The following MAP1A variants were observed in gnomAD, a reference collection of about 807,000 sequenced individuals.
The protein encoded by MAP1A is microtubule associated protein 1A, also known as microtubule-associated protein 1A.
In MAP1A, 42 loss-of-function variants were observed where a neutral mutation model predicts 185.9. The ratio of observed to expected loss-of-function variants is 0.23; its 90% CI spans 0.18 to 0.29. MAP1A has a LOEUF of 0.29. MAP1A is among the 10% of genes least tolerant of loss of function. The pLI is 1.00. For missense variants in MAP1A, 2,995 were observed against 3,450.4 expected, an observed-to-expected ratio of 0.87 and a Z score of 3.31; for synonymous variants, 1,229 against 1,335.9, an observed-to-expected ratio of 0.92 and a Z score of 1.74.
At chr15:43,516,729 C>G (rs1360981432), upstream of MAP1A, among the ~76,000 whole-genome samples, 1 of 152,188 alleles carries the variant, frequency 6.6e-6, no homozygotes, top group Non-Finnish European at 1.5e-5. Context: ...CCCAATCACC[C>G]TACAAAGTCA....
At position 43,526,878 on chromosome 15, in the gene MAP1A, C is replaced by T; in HGVS notation, c.5405C>T (p.Pro1802Leu). The T allele has an allele frequency of 1.2e-6, 2 of 1,614,132 alleles. No individual in the cohort carries two copies. The highest frequency in any genetic ancestry group is 1.7e-6 in the Non-Finnish European group (2 of 1,180,014). The change falls in exon 4 of 6, where the codon CCA becomes CTA. Residue 1802 changes from proline (P) to leucine (L), a missense_variant. By Grantham distance (98) the Pro-to-Leu change is moderately conservative. Coordinates refer to ENST00000300231, the MANE Select transcript of MAP1A (RefSeq NM_002373.6). The surrounding 1 kb of genome is among the most constrained non-coding windows in gnomAD (Gnocchi z 4.7). ...GAGATCATCTCCCCTCCAGCTTCCCCACCTGAGATGGTTGGACAAAGGGTT... is the reference window on the plus strand; with the variant it reads ...GAGATCATCTCCCCTCCAGCTTCCCTACCTGAGATGGTTGGACAAAGGGTT... ...PFEIISPPAS[P>L]PEMVGQRVPS...
Position 43,525,585 on chromosome 15 carries a change from A to T in MAP1A, c.4112A>T (p.Asp1371Val). Reference sequence around the variant, plus strand: ...AAGGATGAAGTTTTACAGCAGAAAGACAAAACTCTGGAGCACAAGGAGGTG... The same window carrying T: ...AAGGATGAAGTTTTACAGCAGAAAGTCAAAACTCTGGAGCACAAGGAGGTG... ...EPKDEVLQQK[D>V]KTLEHKEVVE... The change falls in exon 4 of 6, where the codon GAC (aspartate) becomes GTC (valine). Residue 1371 changes from aspartate (D) to valine (V), a missense_variant. Coordinates refer to ENST00000300231, the MANE Select transcript of MAP1A (RefSeq NM_002373.6). 1 of 1,614,228 alleles carries T rather than the reference A, an allele frequency of 6.2e-7. No homozygotes were observed. Among genetic ancestry groups the T allele is most frequent in the African/African-American group, 1.3e-5 (1 of 75,070 alleles).
At position 43,525,565 on chromosome 15, in the gene MAP1A, T is replaced by C. The variant is rs1174727794; in HGVS notation, c.4092T>C (p.Asp1364=). The change falls in exon 4 of 6, where the codon GAT becomes GAC. Residue 1364 remains aspartate, a synonymous_variant. Transcript: ENST00000300231. The stretch of plus-strand genomic sequence containing the variant: ...AGAAGAAGGAACCTGAGCCAAAGGA[T>C]GAAGTTTTACAGCAGAAAGACAAAA... The part of the protein sequence containing the change: ...SEQKKEPEPK[D]EVLQQKDKTL... 5.0e-6 allele frequency: 8 copies of C among 1,613,984 alleles called. No individual in the cohort carries two copies. Among genetic ancestry groups the C allele is most frequent in the Non-Finnish European group, 6.8e-6 (8 of 1,180,020 alleles).
In MAP1A at chr15:43,528,219, G is replaced by C. The variant is rs754740781; in HGVS notation, c.6746G>C (p.Arg2249Pro). 1.2e-6 allele frequency: 2 copies of C among 1,613,858 alleles called. No individual in the cohort carries two copies. The highest frequency in any genetic ancestry group is 1.1e-5 in the South Asian group (1 of 91,084). The change falls in exon 4 of 6, where the codon CGA (arginine) becomes CCA (proline). Residue 2249 changes from arginine to proline, a missense_variant. By Grantham distance (103) the Arg-to-Pro change is moderately radical (BLOSUM62 -2). This residue lies in a region of MAP1A where 2,728 missense variants were observed against 2,986.0 expected (regional missense o/e 0.91). Coordinates refer to ENST00000300231, the MANE Select transcript of MAP1A (RefSeq NM_002373.6). ...PGAPLLSNLPRPASPALSEGS... is the reference protein window; with the variant it reads ...PGAPLLSNLPPPASPALSEGS... ...GCCCCTCTCCTCTCCAATCTGCCAC[G>C]ACCTGCCTCACCAGCCCTGTCTGAG...
At chr15:43,511,257 A>G (rs1387115084) in intron 1 of MAP1A, 1 of 1,512,522 alleles carries the variant, frequency 6.6e-7, no homozygotes, top group African/African-American at 1.4e-5. Context: ...TGCTTCAGGC[A>G]TCTCTACCCT....
rs748701967 is a variant in MAP1A at position 43,528,951 on chromosome 15, C to T, written c.7478C>T (p.Pro2493Leu). The T allele has an allele frequency of 6.2e-7, 1 of 1,613,244 alleles. No individual in the cohort carries two copies. The highest frequency in any genetic ancestry group is 8.5e-7 in the Non-Finnish European group (1 of 1,180,012). Residue 2493 changes from proline to leucine, a missense_variant, in exon 4 of 6, where the codon CCT becomes CTT. Physicochemically the swap from Pro to Leu is moderately conservative, Grantham distance 98. This residue lies in a region of MAP1A where 2,728 missense variants were observed against 2,986.0 expected (regional missense o/e 0.91). Coordinates refer to ENST00000300231, the MANE Select transcript of MAP1A (RefSeq NM_002373.6). ...GGPGTTGGPC[P>L]VTDETPPTSA... Reference sequence around the variant, plus strand: ...CCAGGGACCACTGGGGGCCCATGCCCTGTGACTGATGAGACACCCCCTACA... The same window carrying T: ...CCAGGGACCACTGGGGGCCCATGCCTTGTGACTGATGAGACACCCCCTACA...
Position 43,522,707 on chromosome 15 carries a change from C to T in MAP1A, c.1234C>T (p.Leu412=), listed in dbSNP as rs758343843. 6.3e-7 allele frequency: 1 copy of T among 1,598,100 alleles called. No homozygotes were observed. Among genetic ancestry groups the T allele is most frequent in the African/African-American group, 1.4e-5 (1 of 73,348 alleles). Residue 412 remains leucine, a synonymous_variant, in exon 4 of 6, where the codon CTG becomes TTG. Coordinates refer to ENST00000300231, the MANE Select transcript of MAP1A (RefSeq NM_002373.6). The surrounding 1 kb of genome is among the most constrained non-coding windows in gnomAD (Gnocchi z 5.9). ...KKHLKEKISK[L]EEKKDKEKKE... Reference sequence around the variant, plus strand: ...GCACCTTAAAGAAAAGATATCAAAGCTGGAAGAAAAAAAAGACAAGGAGAA... The same window carrying T: ...GCACCTTAAAGAAAAGATATCAAAGTTGGAAGAAAAAAAAGACAAGGAGAA...
chr15:43,521,501 T>G lies in MAP1A; in HGVS notation c.28T>G (p.Tyr10Asp). MDGVAEFSE[Y>D]VSETVDVPSP... ...GGACGGCGTGGCTGAGTTCTCCGAG[T>G]ATGTCTCTGAGACTGTGGACGTGCC... The change falls in exon 4 of 6, where the codon TAT becomes GAT. Residue 10 changes from tyrosine to aspartate, a missense_variant. Physicochemically the swap from Tyr to Asp is radical, Grantham distance 160. Transcript: ENST00000300231. This position sits in a 1 kb window ranked among gnomAD's most constrained non-coding sequence, Gnocchi z 4.6. 1.2e-6 allele frequency: 2 copies of G among 1,614,090 alleles called. No individual in the cohort carries two copies. The highest frequency in any genetic ancestry group is 1.1e-5 in the South Asian group (1 of 91,076).
At chr15:43,514,519 C>G (rs1246629619), upstream of MAP1A, among the ~76,000 whole-genome samples, 1 of 152,234 alleles carries the variant, frequency 6.6e-6, no homozygotes, top group African/African-American at 2.4e-5. Flanking sequence ...CCATTCCTAT[C>G]ACCTATCCTC....
In MAP1A at chr15:43,521,463, C is replaced by T. The variant is rs761077503; in HGVS notation, c.-11C>T. On this transcript the variant is annotated 5_prime_UTR_variant, in exon 4 of 6. Transcript: ENST00000300231. This position sits in a 1 kb window ranked among gnomAD's most constrained non-coding sequence, Gnocchi z 4.6. Reference sequence around the variant, plus strand: ...CACCTCCGGCTAAACCCTGAGCCCACTCTGCCCACCATGGACGGCGTGGCT... The same window carrying T: ...CACCTCCGGCTAAACCCTGAGCCCATTCTGCCCACCATGGACGGCGTGGCT... 33 of 1,614,088 alleles carry T rather than the reference C, an allele frequency of 2.0e-5. No homozygotes were observed. Among genetic ancestry groups the T allele is most frequent in the Non-Finnish European group, 2.7e-5 (32 of 1,180,048 alleles).
At chr15:43,511,349 C>G (rs190994516) in intron 1 of MAP1A, 1 of 715,570 alleles carries the variant, frequency 1.4e-6, no homozygotes, top group Non-Finnish European at 2.3e-6. Flanking sequence ...GAGATCTGCG[C>G]CCTTGTCACC....
chr15:43,529,466 C>T lies in MAP1A; in HGVS notation c.7993C>T (p.Pro2665Ser). The stretch of plus-strand genomic sequence containing the variant: ...AGCAGAGGAAAAGGATGGACACAGC[C>T]CCATGTCCAAAGGCCTAGTCAATGG... ...TPAEEKDGHS[P>S]MSKGLVNGLK... The change falls in exon 4 of 6, where the codon CCC (proline) becomes TCC (serine). Residue 2665 changes from proline to serine, a missense_variant. Physicochemically the swap from Pro to Ser is moderately conservative, Grantham distance 74. Coordinates refer to ENST00000300231, the MANE Select transcript of MAP1A (RefSeq NM_002373.6). The surrounding 1 kb of genome is among the most constrained non-coding windows in gnomAD (Gnocchi z 4.3). The T allele has an allele frequency of 6.2e-7, 1 of 1,612,462 alleles. No individual in the cohort carries two copies.
At position 43,527,672 on chromosome 15, in the gene MAP1A, C is replaced by T. The variant is rs201168113; in HGVS notation, c.6199C>T (p.Pro2067Ser). Reference sequence around the variant, plus strand: ...CCCACCTGCAGTTCCCCCCCGTGCTCCTATCCTGAGCAAAGGCCCAAGCCC... The same window carrying T: ...CCCACCTGCAGTTCCCCCCCGTGCTTCTATCCTGAGCAAAGGCCCAAGCCC... ...LTPPAVPPRA[P>S]ILSKGPSPPL... is the part of the protein sequence containing the mutation. The change falls in exon 4 of 6, where the codon CCT becomes TCT. Residue 2067 changes from proline to serine, a missense_variant. By Grantham distance (74) the Pro-to-Ser change is moderately conservative (BLOSUM62 -1). This residue lies in a region of MAP1A where 2,728 missense variants were observed against 2,986.0 expected (regional missense o/e 0.91). Coordinates refer to ENST00000300231, the MANE Select transcript of MAP1A (RefSeq NM_002373.6). The T allele has an allele frequency of 2.7e-5, 43 of 1,586,796 alleles. No individual in the cohort carries two copies. In the South Asian group the frequency reaches 3.5e-4, roughly 13 times the overall value.
At position 43,530,874 on chromosome 15, in the gene MAP1A, C is replaced by T. The variant is rs2079368910; in HGVS notation, c.*650C>T. The T allele has an allele frequency of 6.5e-6, 1 of 153,624 alleles. No homozygotes were observed. Among genetic ancestry groups the T allele is most frequent in the Non-Finnish European group, 1.5e-5 (1 of 68,822 alleles). The allele number at this position is 153,624 out of a possible 1,614,324, so 9.5% of individuals were successfully genotyped here. On this transcript the variant is annotated 3_prime_UTR_variant, in exon 6 of 6. Transcript: ENST00000300231. ...CTGGTGAGAGGAGAAAGGAGCTTAT[C>T]CCCCAGACCCTGCTTTATACCATTC...
chr15:43,529,183 A>ATCCCC lies in MAP1A; in HGVS notation c.7716_7720dup (p.Arg2574LeufsTer21). On this transcript the variant is annotated frameshift_variant, in exon 4 of 6. Transcript: ENST00000300231. LOFTEE classifies it high-confidence loss of function. The surrounding 1 kb of genome is among the most constrained non-coding windows in gnomAD (Gnocchi z 4.3). ...CTCTCCCACAGCCAGACCCCCGCCC[A>ATCCCC]TCCCCTCCCCGCCCTGATGTGTGCA... The ATCCCC allele has an allele frequency of 1.2e-6, 1 of 869,358 alleles. No homozygotes were observed. 53.9% of individuals were successfully genotyped at this position (869,358 alleles called of 1,614,324 possible).
upstream of MAP1A, among the ~76,000 whole-genome samples, chr15:43,513,416 T>C (rs2079288871): frequency 6.6e-6 from 1 of 152,060 alleles, no homozygotes; most frequent in South Asian, 2.1e-4. Context: ...TAGTGGAATA[T>C]AAAATCCATC....
chr15:43,529,260 G>T lies in MAP1A; in HGVS notation c.7787G>T (p.Arg2596Leu). The T allele has an allele frequency of 6.2e-7, 1 of 1,612,450 alleles. No individual in the cohort carries two copies. The highest frequency in any genetic ancestry group is 1.1e-5 in the South Asian group (1 of 90,954). ...GAGTCTGGGAGAGTAGAGAGGCTAC[G>T]GGAGAAGGAAAAGGTTCAGGGGCGA... is the stretch of plus-strand genomic sequence containing the variant. ...SSESGRVERLREKEKVQGRVG... is the reference protein window; with the variant it reads ...SSESGRVERLLEKEKVQGRVG... The change falls in exon 4 of 6, where the codon CGG (arginine) becomes CTG (leucine). Residue 2596 changes from arginine (R) to leucine (L), a missense_variant. Physicochemically the swap from Arg to Leu is moderately radical, Grantham distance 102. This residue lies in a region of MAP1A where 2,728 missense variants were observed against 2,986.0 expected (regional missense o/e 0.91). Coordinates refer to ENST00000300231, the MANE Select transcript of MAP1A (RefSeq NM_002373.6). This position sits in a 1 kb window ranked among gnomAD's most constrained non-coding sequence, Gnocchi z 4.3.
Position 43,522,109 on chromosome 15 carries a change from G to A in MAP1A, c.636G>A (p.Met212Ile). 6.2e-7 allele frequency: 1 copy of A among 1,614,248 alleles called. No individual in the cohort carries two copies. ...ACCCTGTCAAGGACAGCAAGGAGAT[G>A]CAGTTCCTCATGCAAAAGTGGGCAG... ...VLNPVKDSKE[M>I]QFLMQKWAGN... Residue 212 changes from methionine (M) to isoleucine (I), a missense_variant, in exon 4 of 6, where the codon ATG becomes ATA. Transcript: ENST00000300231. The surrounding 1 kb of genome is among the most constrained non-coding windows in gnomAD (Gnocchi z 5.9).
rs1175235381 is a variant in MAP1A at position 43,521,046 on chromosome 15, A to T, written c.-217A>T. ...GTGGGCAAAGTTTAGAGCCTGGGGG[A>T]GACCTCATCCTACAGAGTGGCACCT... On this transcript the variant is annotated 5_prime_UTR_variant, in exon 3 of 6. Transcript: ENST00000300231. The surrounding 1 kb of genome is among the most constrained non-coding windows in gnomAD (Gnocchi z 4.6). 2 of 1,550,162 alleles carry T rather than the reference A, an allele frequency of 1.3e-6. No individual in the cohort carries two copies. The highest frequency in any genetic ancestry group is 1.4e-5 in the African/African-American group (1 of 73,004).
Sources: gnomAD v4.1 joint callset for allele counts (sites outside exome capture counted in the v4.1 genomes callset) on GRCh38, gnomAD v4.1.1 for gene constraint, gnomAD v4.1.1 regional missense constraint, Gnocchi (gnomAD v3.1) non-coding constraint, MANE v1.5 for transcripts, NCBI Gene and HGNC (gene_info 2026-07-23, HGNC 2026-07-21) for gene names.